Variants in CFAP61 observed in about 807,000 individuals in gnomAD.
CFAP61 encodes the protein cilia and flagella associated protein 61.
Under a neutral mutation model 135.6 loss-of-function variants are expected in CFAP61, and 107 were observed. That is an observed-to-expected ratio of 0.79 (90% CI 0.67 to 0.93). The LOEUF is 0.93. Among genes scored for constraint, CFAP61 ranks in the 40% least tolerant of loss-of-function variants. The pLI is 0.00. For missense variants in CFAP61, 1,507 were observed against 1,556.2 expected (o/e 0.97, Z 0.53); for synonymous variants, 575 against 578.5 (o/e 0.99, Z 0.09).
chr20:20,269,912 C>G (rs932817617), intron 21 of CFAP61, among the ~76,000 whole-genome samples: 2 of 143,836 alleles, frequency 1.4e-5, no homozygotes, highest in Middle Eastern at 3.5e-3. Context: ...TGTGACCTGA[C>G]CTTGAGCTCA....
chr20:20,061,655 C>A (rs1019589271), intron 2 of CFAP61, among the ~76,000 whole-genome samples: 1 of 152,192 alleles, frequency 6.6e-6, no homozygotes, highest in African/African-American at 2.4e-5. Flanking sequence ...CAACACAGTT[C>A]TAAAATAGAT....
chr20:20,245,736 A>G (rs2050403506), intron 18 of CFAP61, among the ~76,000 whole-genome samples: 1 of 152,220 alleles, frequency 6.6e-6, no homozygotes, highest in Admixed American at 6.5e-5. Context: ...CTTGACTGGA[A>G]GCAGTCATCA....
chr20:20,318,648 G>A (rs987284171), intron 25 of CFAP61, among the ~76,000 whole-genome samples: 6 of 152,154 alleles, frequency 3.9e-5, no homozygotes, highest in African/African-American at 1.2e-4. Flanking sequence ...GCTATTTAGA[G>A]GATAGAGCAC....
chr20:20,298,166 A>G lies in CFAP61; in HGVS notation c.3217-15A>G. On this transcript the variant is annotated splice_polypyrimidine_tract_variant and intron_variant, in intron 24 of 26. Transcript: ENST00000245957. ...GTTTCTAATGTTGTTTTTCTTGTCC[A>G]CATCCCTCCTCCAGGGTTTAGAACT... The G allele has an allele frequency of 1.9e-6, 3 of 1,589,164 alleles. No homozygotes were observed. The highest frequency in any genetic ancestry group is 2.6e-6 in the Non-Finnish European group (3 of 1,157,388).
chr20:20,064,129 C>T (rs2045055098), intron 2 of CFAP61, among the ~76,000 whole-genome samples: 1 of 149,706 alleles, frequency 6.7e-6, no homozygotes, highest in African/African-American at 2.4e-5. Flanking sequence ...TGTTATCAGT[C>T]AGAACACATT....
At chr20:20,341,020 C>T (rs1238792819) in intron 25 of CFAP61, among the ~76,000 whole-genome samples, 3 of 152,198 alleles carry the variant, frequency 2.0e-5, no homozygotes, top group Non-Finnish European at 4.4e-5. Context: ...TGCCCATTCA[C>T]GTGGGGGCAC....
intron 9 of CFAP61, among the ~76,000 whole-genome samples, chr20:20,148,789 T>G (rs2052133984): frequency 6.6e-6 from 1 of 152,242 alleles, no homozygotes; most frequent in Non-Finnish European, 1.5e-5. Context: ...CTTTATTTCT[T>G]TCTCTTGTTT....
At chr20:20,114,809 A>G (rs1178546021) in intron 8 of CFAP61, among the ~76,000 whole-genome samples, 3 of 152,206 alleles carry the variant, frequency 2.0e-5, no homozygotes, top group Non-Finnish European at 4.4e-5. Flanking sequence ...TGTTGATCTC[A>G]GAATTAACTG....
chr20:20,341,501 A>C (rs138339961), intron 25 of CFAP61, among the ~76,000 whole-genome samples: 2 of 152,332 alleles, frequency 1.3e-5, no homozygotes, highest in African/African-American at 2.4e-5. Context: ...TTAATCTTGC[A>C]ATCTGTTTTT....
intron 16 of CFAP61, among the ~76,000 whole-genome samples, chr20:20,199,309 CAG>C (rs1454676783): frequency 6.6e-6 from 1 of 152,100 alleles, no homozygotes; most frequent in Non-Finnish European, 1.5e-5. Context: ...GACTTACAAA[CAG>C]GAGGATTTTC....
chr20:20,082,739 A>C (rs1283674693), intron 6 of CFAP61, among the ~76,000 whole-genome samples: 1 of 152,240 alleles, frequency 6.6e-6, no homozygotes, highest in Non-Finnish European at 1.5e-5. Context: ...TTTTTAAAAT[A>C]GATGAAAAAT....
rs2044360154 is a variant in CFAP61 at position 20,056,649 on chromosome 20, A to G, written c.-5A>G. 6.2e-7 allele frequency: 1 copy of G among 1,613,780 alleles called. No individual in the cohort carries two copies. Among genetic ancestry groups the G allele is most frequent in the Non-Finnish European group, 8.5e-7 (1 of 1,179,808 alleles). ...TTTTTCTCTCTTTTGGGGACAGGAT[A>G]AAAAATGTCAGTACTCACTTCTCCA... On this transcript the variant is annotated 5_prime_UTR_variant, in exon 2 of 27. In the 5' UTR this introduces an upstream ATG that the reference lacks. Transcript: ENST00000245957.
intron 8 of CFAP61, among the ~76,000 whole-genome samples, chr20:20,105,255 G>T (rs1400437683): frequency 6.6e-6 from 1 of 152,122 alleles, no homozygotes; most frequent in African/African-American, 2.4e-5. Context: ...CCTGGCATGG[G>T]TTTCAGATCC....
At chr20:20,092,488 T>C (rs1443728431) in intron 7 of CFAP61, among the ~76,000 whole-genome samples, 1 of 152,238 alleles carries the variant, frequency 6.6e-6, no homozygotes, top group Non-Finnish European at 1.5e-5. Flanking sequence ...GTTCTCTTAC[T>C]TGGATGACAT....
chr20:20,244,582 C>CA (rs1439710039), intron 18 of CFAP61, among the ~76,000 whole-genome samples: 1 of 152,212 alleles, frequency 6.6e-6, no homozygotes, highest in Non-Finnish European at 1.5e-5. Context: ...GCTCAACCCA[C>CA]AAAACCACTT....
chr20:20,303,405 G>A (rs764471137), intron 25 of CFAP61, among the ~76,000 whole-genome samples: 1 of 152,152 alleles, frequency 6.6e-6, no homozygotes, highest in Non-Finnish European at 1.5e-5. Context: ...AGGAGGTGCC[G>A]ATGGACATCT....
intron 8 of CFAP61, among the ~76,000 whole-genome samples, chr20:20,104,691 G>T (rs1430832015): frequency 1.3e-5 from 2 of 152,168 alleles, no homozygotes; most frequent in African/African-American, 4.8e-5. Flanking sequence ...TGCCAGGGCT[G>T]CCATAACAAA....
At position 20,070,935 on chromosome 20, in the gene CFAP61, C is replaced by G; in HGVS notation, c.225C>G (p.Asn75Lys). Reference sequence around the variant, plus strand: ...AGGCCACCTTCCTGGACTACCCCAACTGGAATGTTGCCAAGCAGGATGACT... The same window carrying G: ...AGGCCACCTTCCTGGACTACCCCAAGTGGAATGTTGCCAAGCAGGATGACT... ...MAQATFLDYP[N>K]WNVAKQDDWV... Residue 75 changes from asparagine (N) to lysine (K), a missense_variant, in exon 3 of 27, where the codon AAC (asparagine) becomes AAG (lysine). Asn to Lys is a moderately conservative substitution (Grantham distance 94). Coordinates refer to ENST00000245957, the MANE Select transcript of CFAP61 (RefSeq NM_015585.4). 1 of 1,614,188 alleles carries G rather than the reference C, an allele frequency of 6.2e-7. No individual in the cohort carries two copies. Among genetic ancestry groups the G allele is most frequent in the Non-Finnish European group, 8.5e-7 (1 of 1,180,012 alleles).
chr20:20,294,857 A>G (rs999876009), intron 24 of CFAP61, among the ~76,000 whole-genome samples: 1 of 150,860 alleles, frequency 6.6e-6, no homozygotes, highest in South Asian at 2.1e-4. Context: ...GAACCCGGGA[A>G]GCGGAGCTTG....
Sources: gnomAD v4.1 joint callset for allele counts (sites outside exome capture counted in the v4.1 genomes callset) on GRCh38, gnomAD v4.1.1 for gene constraint, MANE v1.5 for transcripts, NCBI Gene and HGNC (gene_info 2026-07-23, HGNC 2026-07-21) for gene names.